The following FCSK variants were observed in gnomAD, a reference collection of about 807,000 sequenced individuals.
FCSK encodes the protein L-fucose kinase.
In FCSK, 123 loss-of-function variants were observed where a neutral mutation model predicts 122.5. That is an observed-to-expected ratio of 1.00 (90% CI 0.87 to 1.17). The LOEUF (loss-of-function observed/expected upper bound fraction) is 1.17, where lower values mean the gene tolerates loss of function less well. FCSK is among the 50% of genes most tolerant of loss of function. FCSK has a pLI of 0.00. For synonymous variants in FCSK, 620 were observed against 625.5 expected, an observed-to-expected ratio of 0.99 and a Z score of 0.13; for missense variants, 1,366 against 1,450.4, an observed-to-expected ratio of 0.94 and a Z score of 0.95.
In FCSK at chr16:70,463,721, C is replaced by T. The variant is rs1427882811; in HGVS notation, c.181C>T (p.Leu61Phe). 2.5e-6 allele frequency: 4 copies of T among 1,612,560 alleles called. No homozygotes were observed. The highest frequency in any genetic ancestry group is 2.7e-5 in the African/African-American group (2 of 74,880). ...GCGTGTGGGCAGCGGAGGAGCCACCCTCAACGCCCTGCTGGTGGCTGCTGA... is the reference window on the plus strand; with the variant it reads ...GCGTGTGGGCAGCGGAGGAGCCACCTTCAACGCCCTGCTGGTGGCTGCTGA... ...EKRVGSGGAT[L>F]NALLVAAEHL... is the part of the protein sequence containing the mutation. The change falls in exon 3 of 24, where the codon CTC becomes TTC. Residue 61 changes from leucine to phenylalanine, a missense_variant. Physicochemically the swap from Leu to Phe is conservative, Grantham distance 22. Coordinates refer to ENST00000288078, the MANE Select transcript of FCSK (RefSeq NM_145059.3).
chr16:70,455,668 G>A (rs918663296), intron 1 of FCSK, among the ~76,000 whole-genome samples: 15 of 151,978 alleles, frequency 9.9e-5, no homozygotes, highest in East Asian at 1.9e-4. Context: ...GAAGCAGGTA[G>A]ATCACCTATG....
At chr16:70,457,493 G>A (rs1216139164) in intron 1 of FCSK, among the ~76,000 whole-genome samples, 2 of 152,164 alleles carry the variant, frequency 1.3e-5, no homozygotes, top group Non-Finnish European at 2.9e-5. Flanking sequence ...GAACTCAAGT[G>A]ATCTGCCCAC....
chr16:70,468,116 T>C (rs1268293465), intron 8 of FCSK, 150 bp downstream of exon 8: 1 of 677,186 alleles, frequency 1.5e-6, no homozygotes, highest in Non-Finnish European at 2.5e-6. Context: ...CAGGGTCTTG[T>C]CCTGAGCCAG....
intron 1 of FCSK, among the ~76,000 whole-genome samples, chr16:70,455,623 G>T (rs917900888): frequency 6.6e-6 from 1 of 151,842 alleles, no homozygotes; most frequent in Non-Finnish European, 1.5e-5. Flanking sequence ...CGGGCGAGGT[G>T]GCTCACGCCT....
chr16:70,468,998 C>T (rs2151715051), intron 9 of FCSK, 30 bp downstream of exon 9: 1 of 1,611,190 alleles, frequency 6.2e-7, no homozygotes, highest in Non-Finnish European at 8.5e-7. Flanking sequence ...TAGGTGGGGC[C>T]TGGCTTGGGG....
At chr16:70,479,512 C>T (rs2048932525) in intron 23 of FCSK, 67 bp from the exon 24 acceptor site, 6 of 1,506,714 alleles carry the variant, frequency 4.0e-6, no homozygotes, top group Middle Eastern at 1.7e-4. Context: ...GTCCTGCAGG[C>T]CCAGTCCAGC....
rs1476568804 is a variant in FCSK at position 70,478,440 on chromosome 16, T to G, written c.2810T>G (p.Leu937Arg). ...TTGGTGTACACTGGCAAGACCCGCC[T>G]GGCTCGGAACCTGCTGCAGGTGAGC... ...LLLVYTGKTRLARNLLQDVLR... is the reference protein window; with the variant it reads ...LLLVYTGKTRRARNLLQDVLR... Residue 937 changes from leucine to arginine, a missense_variant, in exon 21 of 24, where the codon CTG becomes CGG. Leu to Arg is a moderately radical substitution (Grantham distance 102). Transcript: ENST00000288078. The G allele has an allele frequency of 6.2e-7, 1 of 1,613,974 alleles. No individual in the cohort carries two copies. Among genetic ancestry groups the G allele is most frequent in the African/African-American group, 1.3e-5 (1 of 74,950 alleles).
chr16:70,470,502 A>G (rs2048578790), intron 11 of FCSK, 76 bp downstream of exon 11: 7 of 899,420 alleles, frequency 7.8e-6, no homozygotes, highest in Non-Finnish European at 1.1e-5. Flanking sequence ...GGAAGAAAAT[A>G]GCCGGCACTT....
At chr16:70,469,887 C>T (rs1007085011) in intron 10 of FCSK, among the ~76,000 whole-genome samples, 11 of 151,100 alleles carry the variant, frequency 7.3e-5, no homozygotes, top group African/African-American at 2.7e-4. Flanking sequence ...CTCTGTTGCC[C>T]AGGCTGGAGT....
chr16:70,472,099 G>A (rs1317396579), intron 13 of FCSK, among the ~76,000 whole-genome samples: 1 of 151,980 alleles, frequency 6.6e-6, no homozygotes, highest in East Asian at 1.9e-4. Context: ...GTGAGCCACC[G>A]CGCACGGCTG....
At position 70,471,012 on chromosome 16, in the gene FCSK, C is replaced by T; in HGVS notation, c.1110C>T (p.Cys370=). The change falls in exon 12 of 24, where the codon TGC becomes TGT. Residue 370 remains cysteine, a synonymous_variant. Transcript: ENST00000288078. ...CGGCCGGGAGCTCTGTGGTCAGCTG[C>T]CTGCTGGAGGGCCCTGTCCAGCTGG... ...LLAAGSSVVS[C]LLEGPVQLGP... The T allele has an allele frequency of 6.2e-7, 1 of 1,601,794 alleles. No individual in the cohort carries two copies. The highest frequency in any genetic ancestry group is 8.5e-7 in the Non-Finnish European group (1 of 1,176,120).
In FCSK at chr16:70,463,505, C is replaced by T. The variant is rs1230082528; in HGVS notation, c.83-118C>T. 6 of 1,349,692 alleles carry T rather than the reference C, an allele frequency of 4.4e-6. No individual in the cohort carries two copies. The East Asian group carries it at 6.9e-5, about 16-fold the overall frequency. 83.6% of individuals were successfully genotyped at this position (1,349,692 alleles called of 1,614,324 possible). On this transcript the variant is annotated intron_variant, in intron 2 of 23. Transcript: ENST00000288078. ...AAGTTGGGTGAAGATCTAGTGGCCT[C>T]CTACATGGAAAGCTAAGTCAAGGAA...
chr16:70,472,445 A>C, intron 13 of FCSK, 96 bp from the exon 14 acceptor site: 1 of 916,474 alleles, frequency 1.1e-6, no homozygotes. Context: ...TCCTGCCCTC[A>C]TGTGAGCACT....
chr16:70,455,634 G>A (rs1177279385), intron 1 of FCSK, among the ~76,000 whole-genome samples: 1 of 151,700 alleles, frequency 6.6e-6, no homozygotes, highest in African/African-American at 2.4e-5. Flanking sequence ...GCTCACGCCT[G>A]TAATCCCAGC....
chr16:70,458,183 A>G (rs1174300898), intron 1 of FCSK, among the ~76,000 whole-genome samples: 6 of 148,528 alleles, frequency 4.0e-5, no homozygotes, highest in Non-Finnish European at 7.4e-5. Flanking sequence ...TTTTTGAGAC[A>G]AAGTCTCACT....
At chr16:70,479,136 A>C in intron 22 of FCSK, 44 bp from the exon 23 acceptor site, 1 of 1,431,648 alleles carries the variant, frequency 7.0e-7, no homozygotes, top group East Asian at 2.3e-5. Flanking sequence ...ATGGGTGCTG[A>C]GTATCTTGGC....
intron 20 of FCSK, chr16:70,477,290 C>G (rs960787366): frequency 6.6e-6 from 1 of 151,884 alleles, no homozygotes; most frequent in Admixed American, 6.6e-5. Flanking sequence ...TCAAGAGATT[C>G]TCCTGCCTCA....
intron 8 of FCSK, among the ~76,000 whole-genome samples, 179 bp from the exon 9 acceptor site, chr16:70,468,670 C>T (rs970967120): frequency 6.6e-6 from 1 of 151,888 alleles, no homozygotes; most frequent in Non-Finnish European, 1.5e-5. Flanking sequence ...CAGAAGGTGT[C>T]TTGGTGGGAG....
intron 1 of FCSK, among the ~76,000 whole-genome samples, chr16:70,457,354 A>C (rs924562648): frequency 6.6e-6 from 1 of 152,032 alleles, no homozygotes; most frequent in Non-Finnish European, 1.5e-5. Flanking sequence ...TCCTGGGTTC[A>C]AGTGATTCTC....
Sources: gnomAD v4.1 joint callset for allele counts (sites outside exome capture counted in the v4.1 genomes callset) on GRCh38, gnomAD v4.1.1 for gene constraint, MANE v1.5 for transcripts, NCBI Gene and HGNC (gene_info 2026-07-23, HGNC 2026-07-21) for gene names.